Variants in PCDHGA12 observed in about 807,000 individuals in gnomAD.
The protein encoded by PCDHGA12 is protocadherin gamma-A12.
Under a neutral mutation model 61.1 loss-of-function variants are expected in PCDHGA12, and 43 were observed. The ratio of observed to expected loss-of-function variants is 0.70; its 90% CI spans 0.55 to 0.91. The LOEUF (loss-of-function observed/expected upper bound fraction) is 0.91. Ranked by LOEUF, PCDHGA12 falls within the 40% of genes least tolerant of loss-of-function variation. The pLI is 0.00. For missense variants in PCDHGA12, 1,236 were observed against 1,227.7 expected (o/e 1.01, Z -0.10); for synonymous variants, 520 against 542.9 (o/e 0.96, Z 0.59).
At chr5:141,461,051 A>G (rs1238514064) in intron 1 of PCDHGA12, among the ~76,000 whole-genome samples, 1 of 151,734 alleles carries the variant, frequency 6.6e-6, no homozygotes, top group East Asian at 1.9e-4. Flanking sequence ...ATGGGGACTT[A>G]GGTTGGTTTC....
At chr5:141,509,968 C>A (rs1450809995) in intron 3 of PCDHGA12, among the ~76,000 whole-genome samples, 1 of 152,166 alleles carries the variant, frequency 6.6e-6, no homozygotes, top group Non-Finnish European at 1.5e-5. Context: ...TGGCCTTGGT[C>A]CTTCTAACAC....
Position 141,477,201 on chromosome 5 carries a change from C to T in PCDHGA12, c.2425-17606C>T, listed in dbSNP as rs1269388368. 6.2e-7 allele frequency: 1 copy of T among 1,614,076 alleles called. No homozygotes were observed. Among genetic ancestry groups the T allele is most frequent in the Non-Finnish European group, 8.5e-7 (1 of 1,180,056 alleles). On this transcript the variant is annotated intron_variant, in intron 1 of 3. Transcript: ENST00000252085. The surrounding 1 kb of genome is among the most constrained non-coding windows in gnomAD (Gnocchi z 4.9). ...GTCACCTCCGTGTACAGCCCAGTAC[C>T]CGAGGATGCCCCTCTGGGGACTGTC... is the stretch of plus-strand genomic sequence containing the variant.
In PCDHGA12 at chr5:141,432,867, T is replaced by C; in HGVS notation, c.2108T>C (p.Val703Ala). ...GTAGCGGTGGCCGCGGTCTCCTGCG[T>C]CTTCCTGGCCTTCGTCATCTTGCTG... ...LVVAVAAVSC[V>A]FLAFVILLLA... Residue 703 changes from valine (V) to alanine (A), a missense_variant, in exon 1 of 4, where the codon GTC becomes GCC. Coordinates refer to ENST00000252085, the MANE Select transcript of PCDHGA12 (RefSeq NM_003735.3). The surrounding 1 kb of genome is among the most constrained non-coding windows in gnomAD (Gnocchi z 6.0). 2 of 1,614,182 alleles carry C rather than the reference T, an allele frequency of 1.2e-6. No individual in the cohort carries two copies. The highest frequency in any genetic ancestry group is 1.7e-6 in the Non-Finnish European group (2 of 1,180,010).
rs775989253 is a variant in PCDHGA12 at position 141,491,769 on chromosome 5, G to A, written c.2425-3038G>A. On this transcript the variant is annotated intron_variant, in intron 1 of 3. Transcript: ENST00000252085. The surrounding 1 kb of genome is among the most constrained non-coding windows in gnomAD (Gnocchi z 6.9). ...CTGGAGAAGCCGCCCGTCCTCATAA[G>A]GGATTGAACTTGCATCCACTCCTCT... 6.4e-7 allele frequency: 1 copy of A among 1,562,376 alleles called. No homozygotes were observed. Among genetic ancestry groups the A allele is most frequent in the African/African-American group, 1.4e-5 (1 of 73,058 alleles).
Position 141,487,845 on chromosome 5 carries a change from A to C in PCDHGA12, c.2425-6962A>C, listed in dbSNP as rs2099667978. ...GGGTCATGCCTATATCTGAGTAAGA[A>C]ATGAAAGTAATTGGTGATCAAGAGC... On this transcript the variant is annotated intron_variant, in intron 1 of 3. Coordinates refer to ENST00000252085, the MANE Select transcript of PCDHGA12 (RefSeq NM_003735.3). The surrounding 1 kb of genome is among the most constrained non-coding windows in gnomAD (Gnocchi z 5.0). 2.9e-6 allele frequency: 3 copies of C among 1,027,382 alleles called. No homozygotes were observed. Among genetic ancestry groups the C allele is most frequent in the Non-Finnish European group, 4.2e-6 (3 of 716,452 alleles). The allele number at this position is 1,027,382 out of a possible 1,614,324, so 63.6% of individuals were successfully genotyped here.
chr5:141,455,130 A>T (rs1446894125), intron 1 of PCDHGA12, among the ~76,000 whole-genome samples: 2 of 150,970 alleles, frequency 1.3e-5, no homozygotes, highest in African/African-American at 4.8e-5. Flanking sequence ...GTTTTAAATT[A>T]CACTGTGTTA....
chr5:141,493,560 C>T lies in PCDHGA12; in HGVS notation c.2425-1247C>T, dbSNP rs1222578153. ...TTATCCTTTTGGAGATTGAGTTCCCCCAGCTCCGTTTCCTCCTATCACAAT... is the reference window on the plus strand; with the variant it reads ...TTATCCTTTTGGAGATTGAGTTCCCTCAGCTCCGTTTCCTCCTATCACAAT... On this transcript the variant is annotated intron_variant, in intron 1 of 3. Transcript: ENST00000252085. The surrounding 1 kb of genome is among the most constrained non-coding windows in gnomAD (Gnocchi z 4.3). Among the ~76,000 whole-genome samples, 4 of 152,162 alleles carry T rather than the reference C, an allele frequency of 2.6e-5. No individual in the cohort carries two copies. The highest frequency in any genetic ancestry group is 2.1e-4 in the South Asian group (1 of 4,830).
chr5:141,435,882 C>G (rs780080571), intron 1 of PCDHGA12, among the ~76,000 whole-genome samples: 1 of 152,060 alleles, frequency 6.6e-6, no homozygotes, highest in African/African-American at 2.4e-5. Context: ...AGATTGGAAA[C>G]CCCTTAGAGA....
At chr5:141,433,358 C>CCTATCTATCTAT (rs3074541) in intron 1 of PCDHGA12, 175 bp downstream of exon 1, 6,701 of 503,954 alleles carry the variant, frequency 0.013, 75 homozygotes, top group East Asian at 0.016. Context: ...CTACTGTCTG[C>CCTATCTATCTAT]CTATCTATCT....
At chr5:141,500,295 G>A (rs911106966) in intron 2 of PCDHGA12, among the ~76,000 whole-genome samples, 2 of 151,282 alleles carry the variant, frequency 1.3e-5, no homozygotes, top group African/African-American at 4.9e-5. Flanking sequence ...TGCAAGCTCC[G>A]CCTCCCAGGT....
Position 141,485,342 on chromosome 5 carries a change from G to C in PCDHGA12, c.2425-9465G>C. 1.2e-6 allele frequency: 2 copies of C among 1,614,164 alleles called. No individual in the cohort carries two copies. Among genetic ancestry groups the C allele is most frequent in the Non-Finnish European group, 1.7e-6 (2 of 1,180,026 alleles). On this transcript the variant is annotated intron_variant, in intron 1 of 3. Coordinates refer to ENST00000252085, the MANE Select transcript of PCDHGA12 (RefSeq NM_003735.3). The surrounding 1 kb of genome is among the most constrained non-coding windows in gnomAD (Gnocchi z 5.7). The stretch of plus-strand genomic sequence containing the variant: ...CGCTCAAGATTTCCTGCTGGATACG[G>C]ACAGTCTGTCAGCTCGCAGGCTGCA...
rs112156044 is a variant in PCDHGA12, at chr5:141,476,771, G to C, written c.2425-18036G>C. ...CCAGTTAGTGCTGACGGCGTTGGAC[G>C]GAGGGACCCCAGCTCTCTCCGCCAG... On this transcript the variant is annotated intron_variant, in intron 1 of 3. Coordinates refer to ENST00000252085, the MANE Select transcript of PCDHGA12 (RefSeq NM_003735.3). The surrounding 1 kb of genome is among the most constrained non-coding windows in gnomAD (Gnocchi z 7.6). 1.1e-5 allele frequency: 18 copies of C among 1,613,700 alleles called. 1 individual carries two copies. In the South Asian group the frequency reaches 1.3e-4, roughly 12 times the overall value.
Position 141,487,302 on chromosome 5 carries a change from C to T in PCDHGA12, c.2425-7505C>T, listed in dbSNP as rs763268817. 3.7e-6 allele frequency: 6 copies of T among 1,614,154 alleles called. No homozygotes were observed. The highest frequency in any genetic ancestry group is 3.4e-6 in the Non-Finnish European group (4 of 1,180,002). On this transcript the variant is annotated intron_variant, in intron 1 of 3. Transcript: ENST00000252085. This position sits in a 1 kb window ranked among gnomAD's most constrained non-coding sequence, Gnocchi z 5.0. ...TTTGTCTCCTTTGGCTCATTCGTGGCACTACTCTCTAAGTGTCTTCGTGGG... is the reference window on the plus strand; with the variant it reads ...TTTGTCTCCTTTGGCTCATTCGTGGTACTACTCTCTAAGTGTCTTCGTGGG...
chr5:141,468,815 A>G (rs866523229), intron 1 of PCDHGA12, among the ~76,000 whole-genome samples: 7 of 151,958 alleles, frequency 4.6e-5, no homozygotes, highest in Middle Eastern at 3.4e-3. Context: ...GCAGTGAGCC[A>G]AGATCAAGCC....
At position 141,491,735 on chromosome 5, in the gene PCDHGA12, G is replaced by C. The variant is rs765837152; in HGVS notation, c.2425-3072G>C. ...TCGGCGCCGCCCCGGGCGACCCCTG[G>C]GGGCGGCACTGGAGAAGCCGCCCGT... On this transcript the variant is annotated intron_variant, in intron 1 of 3. Coordinates refer to ENST00000252085, the MANE Select transcript of PCDHGA12 (RefSeq NM_003735.3). The surrounding 1 kb of genome is among the most constrained non-coding windows in gnomAD (Gnocchi z 6.9). 2.5e-6 allele frequency: 4 copies of C among 1,601,968 alleles called. No homozygotes were observed. In the South Asian group the frequency reaches 4.4e-5, roughly 18 times the overall value.
chr5:141,469,128 T>C (rs567164869), intron 1 of PCDHGA12, among the ~76,000 whole-genome samples: 1 of 151,692 alleles, frequency 6.6e-6, no homozygotes, highest in East Asian at 1.9e-4. Context: ...ATTTAAAAAT[T>C]AGCCAGAAAT....
intron 1 of PCDHGA12, among the ~76,000 whole-genome samples, chr5:141,445,078 G>T (rs1591839605): frequency 6.6e-6 from 1 of 152,208 alleles, no homozygotes; most frequent in East Asian, 1.9e-4. Flanking sequence ...TCATTAAATT[G>T]TCCCTACATA....
intron 1 of PCDHGA12, among the ~76,000 whole-genome samples, chr5:141,464,301 T>A (rs1237581605): frequency 6.6e-6 from 1 of 150,782 alleles, no homozygotes; most frequent in Non-Finnish European, 1.5e-5. Flanking sequence ...CTCCATTGTA[T>A]GTGCACATAT....
At chr5:141,469,833 TTA>T (rs1343669772) in intron 1 of PCDHGA12, among the ~76,000 whole-genome samples, 2 of 152,054 alleles carry the variant, frequency 1.3e-5, no homozygotes, top group Non-Finnish European at 2.9e-5. Flanking sequence ...CACATAAAAC[TTA>T]TTCTTAAGAT....
Sources: gnomAD v4.1 joint callset for allele counts (sites outside exome capture counted in the v4.1 genomes callset) on GRCh38, gnomAD v4.1.1 for gene constraint, Gnocchi (gnomAD v3.1) non-coding constraint, MANE v1.5 for transcripts, NCBI Gene and HGNC (gene_info 2026-07-23, HGNC 2026-07-21) for gene names.